CRYBG1: variants seen among roughly 807,000 people sequenced by gnomAD.
The protein encoded by CRYBG1 is crystallin beta-gamma domain containing 1, also known as beta/gamma crystallin domain-containing protein 1.
A neutral mutation model predicts 189.2 loss-of-function variants in CRYBG1; 139 were observed. The observed-to-expected ratio is 0.73, with a 90% CI of 0.64 to 0.85. The LOEUF is 0.85. CRYBG1 is among the 40% of genes least tolerant of loss of function. The pLI, the probability that CRYBG1 is intolerant of heterozygous loss-of-function variation, is 0.00. For synonymous variants in CRYBG1, 1,023 were observed against 1,017.1 expected (o/e 1.01, Z -0.11); for missense variants, 2,611 against 2,675.8 (o/e 0.98, Z 0.53).
intron 2 of CRYBG1, among the ~76,000 whole-genome samples, chr6:106,461,611 T>C (rs1330122462): frequency 6.6e-6 from 1 of 152,146 alleles, no homozygotes; most frequent in Non-Finnish European, 1.5e-5. Flanking sequence ...CAGAAATCCC[T>C]CACTGGGGGA....
At chr6:106,446,599 C>G (rs1219554887) in intron 1 of CRYBG1, among the ~76,000 whole-genome samples, 1 of 152,086 alleles carries the variant, frequency 6.6e-6, no homozygotes, top group Non-Finnish European at 1.5e-5. Flanking sequence ...ATTTAACTTG[C>G]CTTATATTAG....
Position 106,392,047 on chromosome 6 carries a change from A to T in CRYBG1, c.173+30966A>T, listed in dbSNP as rs1431233528. On this transcript the variant is annotated intron_variant, in intron 1 of 21. Transcript: ENST00000633556. Reference sequence around the variant, plus strand: ...CAGGAAAACGTGAGCAGCTGTGAGGATTCAGATAAGTTCATCATATTAGCT... The same window carrying T: ...CAGGAAAACGTGAGCAGCTGTGAGGTTTCAGATAAGTTCATCATATTAGCT... 3.3e-5 allele frequency among the ~76,000 whole-genome samples: 5 copies of T among 151,982 alleles called. No individual in the cohort carries two copies. In the East Asian group the frequency reaches 9.6e-4, roughly 29 times the overall value.
intron 1 of CRYBG1, among the ~76,000 whole-genome samples, chr6:106,437,474 C>T (rs1463349479): frequency 6.6e-6 from 1 of 152,014 alleles, no homozygotes; most frequent in African/African-American, 2.4e-5. Flanking sequence ...CACTCTGTCA[C>T]CCAGGCTGCT....
chr6:106,542,684 C>T (rs981532899), intron 10 of CRYBG1, among the ~76,000 whole-genome samples: 1 of 147,324 alleles, frequency 6.8e-6, no homozygotes, highest in Non-Finnish European at 1.5e-5. Flanking sequence ...AAGAGTTTCA[C>T]TCTGTCACCC....
Position 106,553,515 on chromosome 6 carries a change from A to C in CRYBG1, c.5533A>C (p.Ser1845Arg), listed in dbSNP as rs773588832. The C allele has an allele frequency of 9.0e-5, 146 of 1,613,972 alleles. 2 individuals carry two copies. The South Asian group carries it at 1.6e-3, about 17-fold the overall frequency. ...CAGTCAAAGTTTTGAAGAAACAACA[A>C]GTCAAATTGATGATTCATTTTCTAC... ...GHSQSFEETT[S>R]QIDDSFSTKS... The change falls in exon 16 of 22, where the codon AGT becomes CGT. Residue 1845 changes from serine (S) to arginine (R), a missense_variant. Transcript: ENST00000633556.
At chr6:106,368,056 A>T (rs3844147) in intron 1 of CRYBG1, among the ~76,000 whole-genome samples, 11,557 of 152,168 alleles carry the variant, frequency 0.076, 1,470 homozygotes, top group African/African-American at 0.26. Context: ...AACATATTAG[A>T]TATTGAAATA....
Position 106,519,375 on chromosome 6 carries a change from GC to G in CRYBG1, c.2169del (p.Glu725LysfsTer9), listed in dbSNP as rs750162622. 1.2e-6 allele frequency: 2 copies of G among 1,614,084 alleles called. No homozygotes were observed. Among genetic ancestry groups the G allele is most frequent in the South Asian group, 2.2e-5 (2 of 91,086 alleles). On this transcript the variant is annotated frameshift_variant, in exon 4 of 22. Transcript: ENST00000633556. LOFTEE classifies it high-confidence loss of function. ...GGCAAAGCTGAATTTAGCCAAAAAAGCCAAAGAAATGGAGCAACCTGAAAAG... is the reference window on the plus strand; with the variant it reads ...GGCAAAGCTGAATTTAGCCAAAAAAGCAAAGAAATGGAGCAACCTGAAAAG... ...GRAKLNLAKK[A>X]KEMEQPEKKV...
intron 21 of CRYBG1, among the ~76,000 whole-genome samples, chr6:106,567,779 T>C (rs1448685834): frequency 6.6e-6 from 1 of 152,204 alleles, no homozygotes; most frequent in East Asian, 1.9e-4. Flanking sequence ...AAACATCCAG[T>C]AAGCACCTTT....
chr6:106,438,728 C>A (rs1485668470), intron 1 of CRYBG1, among the ~76,000 whole-genome samples: 1 of 152,024 alleles, frequency 6.6e-6, no homozygotes, highest in Non-Finnish European at 1.5e-5. Context: ...AACAGATAAA[C>A]TATTGATAGG....
At chr6:106,452,327 G>T (rs1331995452) in intron 2 of CRYBG1, among the ~76,000 whole-genome samples, 1 of 150,798 alleles carries the variant, frequency 6.6e-6, no homozygotes, top group Non-Finnish European at 1.5e-5. Flanking sequence ...GGAGGCTGAG[G>T]CAGGAGAATC....
intron 1 of CRYBG1, among the ~76,000 whole-genome samples, chr6:106,441,595 T>C (rs997930114): frequency 1.3e-5 from 2 of 152,192 alleles, no homozygotes; most frequent in African/African-American, 4.8e-5. Flanking sequence ...AACTAATTCA[T>C]TAGGTATTTG....
chr6:106,482,611 T>C (rs879312469), intron 2 of CRYBG1, among the ~76,000 whole-genome samples: 3 of 151,854 alleles, frequency 2.0e-5, no homozygotes, highest in African/African-American at 4.8e-5. Flanking sequence ...CCGTCTCTAC[T>C]AAAAATACAA....
At chr6:106,437,810 G>C (rs767777051) in intron 1 of CRYBG1, among the ~76,000 whole-genome samples, 1 of 151,954 alleles carries the variant, frequency 6.6e-6, no homozygotes, top group African/African-American at 2.4e-5. Flanking sequence ...GCCATAATAC[G>C]CTCCTAATCT....
chr6:106,398,973 G>T (rs764972013), intron 1 of CRYBG1, among the ~76,000 whole-genome samples: 6 of 152,160 alleles, frequency 3.9e-5, no homozygotes, highest in Non-Finnish European at 7.3e-5. Flanking sequence ...GTAGTCCTCT[G>T]GTGAAATATG....
At chr6:106,537,124 A>G (rs1284660515) in intron 8 of CRYBG1, among the ~76,000 whole-genome samples, 1 of 152,202 alleles carries the variant, frequency 6.6e-6, no homozygotes, top group Non-Finnish European at 1.5e-5. Flanking sequence ...CCTTCCATGA[A>G]TGTTATGCAA....
At chr6:106,534,206 T>C (rs1326510963) in intron 8 of CRYBG1, among the ~76,000 whole-genome samples, 1 of 152,208 alleles carries the variant, frequency 6.6e-6, no homozygotes, top group Non-Finnish European at 1.5e-5. Context: ...TGAAGCACAT[T>C]AATCTACCTT....
intron 2 of CRYBG1, 90 bp from the exon 3 acceptor site, chr6:106,511,340 A>G: frequency 2.6e-6 from 3 of 1,156,614 alleles, no homozygotes; most frequent in Non-Finnish European, 3.5e-6. Flanking sequence ...CTGGTCTGTT[A>G]TCATTTTGGC....
At chr6:106,417,648 C>T (rs2063562504) in intron 1 of CRYBG1, among the ~76,000 whole-genome samples, 1 of 152,242 alleles carries the variant, frequency 6.6e-6, no homozygotes, top group South Asian at 2.1e-4. Context: ...AGCCCCTTTG[C>T]TGGACTCGCA....
chr6:106,512,717 C>G lies in CRYBG1; in HGVS notation c.1600C>G (p.Arg534Gly). 1 of 1,553,024 alleles carries G rather than the reference C, an allele frequency of 6.4e-7. No homozygotes were observed. The highest frequency in any genetic ancestry group is 8.7e-7 in the Non-Finnish European group (1 of 1,149,450). ...AVPAPPASGP[R>G]APAKESPPKR... ...GCCCGCCCCGCCCGCCAGCGGCCCC[C>G]GGGCTCCCGCCAAGGAGTCCCCACC... The change falls in exon 3 of 22, where the codon CGG (arginine) becomes GGG (glycine). Residue 534 changes from arginine (R) to glycine (G), a missense_variant. Physicochemically the swap from Arg to Gly is moderately radical, Grantham distance 125 (BLOSUM62 -2). This residue lies in a region of CRYBG1 where 985 missense variants were observed against 924.4 expected (regional missense o/e 1.07). Transcript: ENST00000633556.
Sources: allele counts gnomAD v4.1 joint callset (sites outside exome capture counted in the v4.1 genomes callset), GRCh38; gene constraint gnomAD v4.1.1; regional missense constraint gnomAD v4.1.1; transcripts MANE v1.5; gene names NCBI Gene and HGNC (gene_info 2026-07-23, HGNC 2026-07-21).